TMEM132D: variants seen among roughly 807,000 people sequenced by gnomAD.
TMEM132D encodes mature OL transmembrane protein.
A neutral mutation model predicts 62.3 loss-of-function variants in TMEM132D; 21 were observed. That is an observed-to-expected ratio of 0.34 (90% CI 0.24 to 0.49). The LOEUF (loss-of-function observed/expected upper bound fraction) is 0.49. Among genes scored for constraint, TMEM132D ranks in the 20% least tolerant of loss-of-function variants. The pLI is 0.99. For missense variants in TMEM132D, 1,346 were observed against 1,402.8 expected (o/e 0.96, Z 0.65); for synonymous variants, 621 against 575.6 (o/e 1.08, Z -1.13).
chr12:129,304,531 C>T (rs1379505001), intron 4 of TMEM132D, among the ~76,000 whole-genome samples: 5 of 152,060 alleles, frequency 3.3e-5, no homozygotes, highest in African/African-American at 1.2e-4. Flanking sequence ...AATCCCATAT[C>T]CTGGTGTCAC....
chr12:129,290,619 A>G (rs553477455), intron 4 of TMEM132D, among the ~76,000 whole-genome samples: 2 of 152,342 alleles, frequency 1.3e-5, no homozygotes, highest in African/African-American at 2.4e-5. Context: ...GTATAGAAAA[A>G]GGTTTAGAAG....
chr12:129,495,759 G>A (rs1370008381), intron 3 of TMEM132D, among the ~76,000 whole-genome samples: 1 of 152,134 alleles, frequency 6.6e-6, no homozygotes, highest in East Asian at 1.9e-4. Context: ...GTAGTGATGG[G>A]CTCTGACAGT....
intron 5 of TMEM132D, among the ~76,000 whole-genome samples, chr12:129,152,937 T>C (rs1418377039): frequency 6.6e-6 from 1 of 152,148 alleles, no homozygotes; most frequent in Non-Finnish European, 1.5e-5. Context: ...CAGTGTCTCT[T>C]AGGAGCTGAG....
chr12:129,593,778 G>C (rs947294991), intron 2 of TMEM132D, among the ~76,000 whole-genome samples: 2 of 152,114 alleles, frequency 1.3e-5, no homozygotes. Context: ...GCACTGGGAG[G>C]TGCAGAGAAA....
chr12:129,834,471 CCATA>C (rs1458599287), intron 1 of TMEM132D, among the ~76,000 whole-genome samples: 1 of 151,242 alleles, frequency 6.6e-6, no homozygotes. Flanking sequence ...TGCATATCTC[CCATA>C]CAGTTTTCCT....
At chr12:129,167,299 T>A (rs1009335322) in intron 5 of TMEM132D, among the ~76,000 whole-genome samples, 3 of 151,960 alleles carry the variant, frequency 2.0e-5, no homozygotes, top group Non-Finnish European at 2.9e-5. Flanking sequence ...GCAATTAGCA[T>A]CTCCCAGGAA....
chr12:129,079,089 A>T (rs1453254470), intron 7 of TMEM132D, among the ~76,000 whole-genome samples: 2 of 152,192 alleles, frequency 1.3e-5, no homozygotes, highest in East Asian at 1.9e-4. Flanking sequence ...TATTTTGTTT[A>T]AAATTATTTA....
intron 5 of TMEM132D, among the ~76,000 whole-genome samples, chr12:129,166,501 AT>A (rs1016366669): frequency 1.3e-5 from 2 of 151,812 alleles, no homozygotes; most frequent in Non-Finnish European, 2.9e-5. Flanking sequence ...ATGTGTAAGT[AT>A]TTAAATGTTG....
intron 2 of TMEM132D, among the ~76,000 whole-genome samples, chr12:129,545,122 C>T (rs933567330): frequency 3.3e-5 from 5 of 152,182 alleles, no homozygotes; most frequent in Non-Finnish European, 7.3e-5. Context: ...TGGGAATTTT[C>T]CAGGAGTGAC....
At chr12:129,555,369 G>A (rs968875812) in intron 2 of TMEM132D, among the ~76,000 whole-genome samples, 4 of 152,216 alleles carry the variant, frequency 2.6e-5, no homozygotes, top group Non-Finnish European at 5.9e-5. Flanking sequence ...TGGGATGAAA[G>A]TTGGGTCTAC....
intron 5 of TMEM132D, among the ~76,000 whole-genome samples, chr12:129,118,439 C>T (rs1218623661): frequency 3.9e-5 from 6 of 152,226 alleles, no homozygotes; most frequent in Non-Finnish European, 7.3e-5. Flanking sequence ...CCCAGCACTC[C>T]CTTGGAGCCA....
intron 2 of TMEM132D, among the ~76,000 whole-genome samples, chr12:129,588,311 G>A (rs953101735): frequency 8.5e-5 from 13 of 152,148 alleles, no homozygotes; most frequent in Admixed American, 2.6e-4. Context: ...GACTGAGCTC[G>A]CTGGCTAACC....
intron 3 of TMEM132D, among the ~76,000 whole-genome samples, chr12:129,396,389 TA>T (rs1194046065): frequency 6.6e-6 from 1 of 152,214 alleles, no homozygotes. Flanking sequence ...GTCACGTGGT[TA>T]GGGGTGGACC....
At chr12:129,811,105 G>A (rs534296888) in intron 1 of TMEM132D, among the ~76,000 whole-genome samples, 3 of 151,800 alleles carry the variant, frequency 2.0e-5, no homozygotes, top group Middle Eastern at 3.4e-3. Context: ...ATCAATGAAC[G>A]GATTTAACAA....
intron 8 of TMEM132D, among the ~76,000 whole-genome samples, chr12:129,075,895 C>T (rs1204184600): frequency 2.0e-5 from 3 of 152,206 alleles, no homozygotes; most frequent in Admixed American, 2.0e-4. Context: ...TTATGCTTGA[C>T]AGCAGTGGCA....
rs756313662 is a variant in TMEM132D, at chr12:129,337,765, G to A, written c.1168C>T (p.Pro390Ser). Residue 390 changes from proline to serine, a missense_variant, in exon 4 of 9, where the codon CCT (proline) becomes TCT (serine). Coordinates refer to ENST00000422113, the MANE Select transcript of TMEM132D (RefSeq NM_133448.3). ...AGCTGTGTGGCTGGCAGGTCACCAG[G>A]CTCTTCCACCTCCACATCGATCTGC... ...VMQIDVEVEE[P>S]GDLPATQLVT... 5.0e-6 allele frequency: 8 copies of A among 1,614,000 alleles called. No homozygotes were observed. In the South Asian group the frequency reaches 5.5e-5, roughly 11 times the overall value.
intron 4 of TMEM132D, among the ~76,000 whole-genome samples, chr12:129,317,997 GT>G (rs1009417850): frequency 1.3e-5 from 2 of 151,758 alleles, no homozygotes; most frequent in South Asian, 2.1e-4. Context: ...GAATTTTTTT[GT>G]TTTTTTCTTC....
chr12:129,176,724 G>T (rs984720717), intron 5 of TMEM132D, among the ~76,000 whole-genome samples: 17 of 152,188 alleles, frequency 1.1e-4, no homozygotes, highest in African/African-American at 3.9e-4. Context: ...AATTAACTTC[G>T]CTGAAGGGCA....
chr12:129,570,027 G>A (rs1265636697), intron 2 of TMEM132D, among the ~76,000 whole-genome samples: 2 of 152,124 alleles, frequency 1.3e-5, no homozygotes, highest in Admixed American at 6.5e-5. Context: ...CAAAGAAGCC[G>A]AGTGATGGAA....
Sources: gnomAD v4.1 joint callset for allele counts (sites outside exome capture counted in the v4.1 genomes callset) on GRCh38, gnomAD v4.1.1 for gene constraint, MANE v1.5 for transcripts, NCBI Gene and HGNC (gene_info 2026-07-23, HGNC 2026-07-21) for gene names.